Variants in SULT1C4 observed in about 807,000 individuals in gnomAD.
The protein encoded by SULT1C4 is sulfotransferase family 1C member 4, also known as sulfotransferase 1C4.
In SULT1C4, 32 loss-of-function variants were observed where a neutral mutation model predicts 34.8. That is an observed-to-expected ratio of 0.92 (90% CI 0.69 to 1.23). SULT1C4 has a LOEUF of 1.23. SULT1C4 is among the 50% of genes most tolerant of loss of function. The pLI is 0.00. For synonymous variants in SULT1C4, 111 were observed against 120.5 expected (o/e 0.92, Z 0.51); for missense variants, 375 against 365.9 (o/e 1.02, Z -0.20).
intron 5 of SULT1C4, among the ~76,000 whole-genome samples, chr2:108,385,973 T>C (rs758548958): frequency 2.6e-5 from 4 of 152,184 alleles, no homozygotes; most frequent in Admixed American, 6.5e-5. Flanking sequence ...CCCTACCCAG[T>C]TGATTACATA....
At position 108,386,210 on chromosome 2, in the gene SULT1C4, C is replaced by T; in HGVS notation, c.634C>T (p.Gln212Ter). The change falls in exon 6 of 7, where the codon CAG becomes TAG. Residue 212 changes from glutamine to a stop codon, truncating the protein, a stop_gained. Coordinates refer to ENST00000272452, the MANE Select transcript of SULT1C4 (RefSeq NM_006588.4). LOFTEE classifies it high-confidence loss of function. ...ATCATAGAACCCAAAGCATGAAATT[C>T]AGAAGCTGGCAGAATTTATTGGGAA... is the stretch of plus-strand genomic sequence containing the variant. ...DMKKNPKHEIQKLAEFIGKKL... is the reference protein window; with the variant it reads ...DMKKNPKHEI The T allele has an allele frequency of 2.0e-6, 3 of 1,515,602 alleles. No homozygotes were observed. Among genetic ancestry groups the T allele is most frequent in the Non-Finnish European group, 2.7e-6 (3 of 1,128,532 alleles). The allele number at this position is 1,515,602 out of a possible 1,614,324, so 93.9% of individuals were successfully genotyped here.
chr2:108,386,408 A>T, intron 6 of SULT1C4, 36 bp downstream of exon 6: 1 of 1,346,758 alleles, frequency 7.4e-7, no homozygotes, highest in Non-Finnish European at 9.7e-7. Flanking sequence ...ATCTTAAAAG[A>T]ACTGTCAAAT....
chr2:108,382,023 CT>C (rs1176529202), intron 2 of SULT1C4, 136 bp downstream of exon 2: 16 of 1,016,180 alleles, frequency 1.6e-5, no homozygotes, highest in Non-Finnish European at 2.1e-5. Context: ...TTAACTGTGT[CT>C]GGCCATTGTT....
At chr2:108,382,114 T>G (rs755755231) in intron 2 of SULT1C4, 7 of 559,226 alleles carry the variant, frequency 1.3e-5, no homozygotes, top group Middle Eastern at 9.6e-4. Flanking sequence ...GAAATTAATT[T>G]TACTTCAAAA....
chr2:108,380,076 T>C (rs1469607793), intron 1 of SULT1C4, among the ~76,000 whole-genome samples: 2 of 152,242 alleles, frequency 1.3e-5, no homozygotes, highest in African/African-American at 4.8e-5. Context: ...CCAACTACTA[T>C]AAAATATAAA....
chr2:108,383,362 T>C, intron 4 of SULT1C4, 54 bp from the exon 5 acceptor site: 2 of 1,594,296 alleles, frequency 1.3e-6, no homozygotes, highest in Non-Finnish European at 1.7e-6. Context: ...CTCCTTTCAG[T>C]GGTATAATAG....
rs777833775 is a variant in SULT1C4 at position 108,388,808 on chromosome 2, C to G, written c.*1376C>G. On this transcript the variant is annotated 3_prime_UTR_variant, in exon 7 of 7. Coordinates refer to ENST00000272452, the MANE Select transcript of SULT1C4 (RefSeq NM_006588.4). The stretch of plus-strand genomic sequence containing the variant: ...CCCTCCCAGTTTTATTTATACCAAG[C>G]CTCCTCCTGAAATTTCTCTTCCTTT... Among the ~76,000 whole-genome samples, 4 of 152,136 alleles carry G rather than the reference C, an allele frequency of 2.6e-5. No homozygotes were observed. Among genetic ancestry groups the G allele is most frequent in the Non-Finnish European group, 4.4e-5 (3 of 68,020 alleles).
rs951861946 is a variant in SULT1C4, at chr2:108,387,248, A to G, written c.797-72A>G. 7 of 1,166,904 alleles carry G rather than the reference A, an allele frequency of 6.0e-6. No individual in the cohort carries two copies. In the Admixed American group the frequency reaches 6.5e-5, roughly 11 times the overall value. The allele number at this position is 1,166,904 out of a possible 1,614,324, so 72.3% of individuals were successfully genotyped here. ...GAACATGGCATAGAAATCATCATAC[A>G]GAAACAGGAGAATAGGGAAGCACAG... On this transcript the variant is annotated intron_variant, in intron 6 of 6. Transcript: ENST00000272452.
chr2:108,381,787 G>A lies in SULT1C4; in HGVS notation c.195G>A (p.Val65=), dbSNP rs1678404495. The change falls in exon 2 of 7, where the codon GTG becomes GTA. Residue 65 remains valine, a synonymous_variant. Transcript: ENST00000272452. The stretch of plus-strand genomic sequence containing the variant: ...GAACAACATGGACTCAGGAGATAGT[G>A]GAATTAATACAAAATGAAGGTGATG... ...KAGTTWTQEI[V]ELIQNEGDVE... is the part of the protein sequence containing the mutation. 6.9e-7 allele frequency: 1 copy of A among 1,439,680 alleles called. No individual in the cohort carries two copies. The highest frequency in any genetic ancestry group is 9.1e-7 in the Non-Finnish European group (1 of 1,094,252). 89.2% of individuals were successfully genotyped at this position (1,439,680 alleles called of 1,614,324 possible).
intron 5 of SULT1C4, among the ~76,000 whole-genome samples, chr2:108,384,150 TG>T (rs1300599319): frequency 6.6e-6 from 1 of 152,144 alleles, no homozygotes; most frequent in African/African-American, 2.4e-5. Flanking sequence ...ATTACAGGCA[TG>T]AGCTACCATG....
intron 3 of SULT1C4, chr2:108,382,697 G>A: frequency 4.0e-6 from 2 of 504,554 alleles, no homozygotes; most frequent in Non-Finnish European, 7.0e-6. Context: ...TGAGGTCAGG[G>A]GTTCAAGACC....
At chr2:108,382,072 C>T in intron 2 of SULT1C4, 185 bp downstream of exon 2, 1 of 678,362 alleles carries the variant, frequency 1.5e-6, no homozygotes, top group Non-Finnish European at 2.2e-6. Context: ...ACTGTTTGTA[C>T]AAAAGTGAGT....
At chr2:108,378,589 A>T in intron 1 of SULT1C4, 83 bp downstream of exon 1, 2 of 1,482,718 alleles carry the variant, frequency 1.3e-6, no homozygotes, top group South Asian at 2.6e-5. Context: ...GAAATAAAGA[A>T]GTTGATCTGG....
At chr2:108,380,431 T>C (rs1423610036) in intron 1 of SULT1C4, among the ~76,000 whole-genome samples, 1 of 152,088 alleles carries the variant, frequency 6.6e-6, no homozygotes, top group African/African-American at 2.4e-5. Flanking sequence ...AAGAGGACCA[T>C]TGAGCCCAGG....
intron 1 of SULT1C4, among the ~76,000 whole-genome samples, chr2:108,380,030 C>T (rs535888775): frequency 6.6e-4 from 100 of 152,254 alleles, no homozygotes; most frequent in African/African-American, 2.3e-3. Context: ...GGCCCTTTGT[C>T]CTGTAATAAA....
rs554758562 is a variant in SULT1C4, at chr2:108,378,073, G to A, written c.-265G>A. Reference sequence around the variant, plus strand: ...GGTTTGTGGCCGCCTCTGCTGTGACGCCACAGCCTGGTGAGGAGGGGGCTG... The same window carrying A: ...GGTTTGTGGCCGCCTCTGCTGTGACACCACAGCCTGGTGAGGAGGGGGCTG... On this transcript the variant is annotated 5_prime_UTR_variant, in exon 1 of 7. Coordinates refer to ENST00000272452, the MANE Select transcript of SULT1C4 (RefSeq NM_006588.4). 3 of 245,950 alleles carry A rather than the reference G, an allele frequency of 1.2e-5. No individual in the cohort carries two copies. The highest frequency in any genetic ancestry group is 1.2e-3 in the Middle Eastern group (1 of 822). The allele number at this position is 245,950 out of a possible 1,614,324, so 15.2% of individuals were successfully genotyped here. A position where few individuals can be genotyped will look rare whatever the true frequency, so the allele number is the denominator to read the frequency against.
chr2:108,386,249 A>C lies in SULT1C4; in HGVS notation c.673A>C (p.Lys225Gln). 2 of 1,566,018 alleles carry C rather than the reference A, an allele frequency of 1.3e-6. No homozygotes were observed. The highest frequency in any genetic ancestry group is 1.7e-6 in the Non-Finnish European group (2 of 1,155,008). ...ATTTATTGGGAAGAAATTAGATGAC[A>C]AAGTTCTAGATAAAATTGTCCATTA... ...AEFIGKKLDD[K>Q]VLDKIVHYTS... Residue 225 changes from lysine to glutamine, a missense_variant, in exon 6 of 7, where the codon AAA becomes CAA. Lys to Gln is a moderately conservative substitution (Grantham distance 53, BLOSUM62 1). Transcript: ENST00000272452.
At chr2:108,384,693 G>C (rs1011414958) in intron 5 of SULT1C4, among the ~76,000 whole-genome samples, 1 of 152,178 alleles carries the variant, frequency 6.6e-6, no homozygotes, top group Non-Finnish European at 1.5e-5. Context: ...ACCCATTCAA[G>C]ATTTATTTGA....
intron 6 of SULT1C4, among the ~76,000 whole-genome samples, chr2:108,386,880 A>G (rs1436937531): frequency 1.3e-5 from 2 of 152,254 alleles, no homozygotes; most frequent in African/African-American, 4.8e-5. Flanking sequence ...GGGAAAGGTA[A>G]CAGGGATTAC....
Sources: allele counts gnomAD v4.1 joint callset (sites outside exome capture counted in the v4.1 genomes callset), GRCh38; gene constraint gnomAD v4.1.1; transcripts MANE v1.5; gene names NCBI Gene and HGNC (gene_info 2026-07-23, HGNC 2026-07-21).